LONP2: variants seen among roughly 807,000 people sequenced by gnomAD.
The protein encoded by LONP2 is lon protease homolog 2, peroxisomal.
Under a neutral mutation model 85.6 loss-of-function variants are expected in LONP2, and 60 were observed. The observed-to-expected ratio is 0.70, with a 90% CI of 0.57 to 0.87. The LOEUF is 0.87. Ranked by LOEUF, LONP2 falls within the 40% of genes least tolerant of loss-of-function variation. LONP2 has a pLI of 0.00. For synonymous variants in LONP2, 395 were observed against 389.7 expected (o/e 1.01, Z -0.16); for missense variants, 860 against 1,063.5 (o/e 0.81, Z 2.66).
At chr16:48,276,006 A>ATTTTTTT (rs1410977179) in intron 7 of LONP2, among the ~76,000 whole-genome samples, 1 of 152,210 alleles carries the variant, frequency 6.6e-6, no homozygotes, top group Non-Finnish European at 1.5e-5. Context: ...AAAATGACCC[A>ATTTTTTT]TTAGAGCCTT....
At chr16:48,323,708 TC>T (rs1255184492) in intron 11 of LONP2, among the ~76,000 whole-genome samples, 3 of 151,890 alleles carry the variant, frequency 2.0e-5, no homozygotes, top group Admixed American at 6.6e-5. Flanking sequence ...AGTCATAACT[TC>T]CATCTGTATC....
chr16:48,314,764 G>A (rs1973106940), intron 11 of LONP2, among the ~76,000 whole-genome samples: 1 of 152,048 alleles, frequency 6.6e-6, no homozygotes, highest in Admixed American at 6.6e-5. Context: ...TGATCTTTAT[G>A]TGTATATTAT....
chr16:48,304,843 A>G (rs1357047932), intron 11 of LONP2, among the ~76,000 whole-genome samples: 2 of 152,228 alleles, frequency 1.3e-5, no homozygotes, highest in Non-Finnish European at 2.9e-5. Flanking sequence ...GGAATTGACA[A>G]TTTCTTTCAT....
At chr16:48,269,051 T>C (rs1299168240) in intron 6 of LONP2, among the ~76,000 whole-genome samples, 1 of 152,210 alleles carries the variant, frequency 6.6e-6, no homozygotes, top group Non-Finnish European at 1.5e-5. Flanking sequence ...TTCTGTTACC[T>C]GGTGTTTAAT....
intron 8 of LONP2, among the ~76,000 whole-genome samples, chr16:48,278,661 C>A (rs1972264582): frequency 6.6e-6 from 1 of 152,188 alleles, no homozygotes; most frequent in African/African-American, 2.4e-5. Flanking sequence ...CAGTTCCTAT[C>A]CTTGCAGACC....
intron 11 of LONP2, among the ~76,000 whole-genome samples, chr16:48,327,730 T>C (rs1181808250): frequency 6.6e-6 from 1 of 152,210 alleles, no homozygotes; most frequent in Non-Finnish European, 1.5e-5. Context: ...AGTGCTGGGA[T>C]TATAGGTGTG....
chr16:48,255,304 A>G (rs918698170), intron 2 of LONP2, among the ~76,000 whole-genome samples: 4 of 152,166 alleles, frequency 2.6e-5, no homozygotes, highest in African/African-American at 9.7e-5. Context: ...AGGAAAAGGA[A>G]ATGGGGCGCA....
intron 11 of LONP2, among the ~76,000 whole-genome samples, chr16:48,308,312 T>A (rs1354495668): frequency 6.6e-6 from 1 of 152,124 alleles, no homozygotes; most frequent in African/African-American, 2.4e-5. Context: ...ACTGAACCAC[T>A]CTCTCTCTTA....
intron 1 of LONP2, among the ~76,000 whole-genome samples, chr16:48,250,702 A>G (rs909351887): frequency 1.3e-5 from 2 of 152,168 alleles, no homozygotes; most frequent in Non-Finnish European, 2.9e-5. Context: ...CTCTTTCAGC[A>G]TTGTACAAAC....
At chr16:48,328,467 C>T (rs547582672) in intron 11 of LONP2, among the ~76,000 whole-genome samples, 1 of 151,962 alleles carries the variant, frequency 6.6e-6, no homozygotes, top group South Asian at 2.1e-4. Context: ...ATCACGATAT[C>T]AGGAGTTCGA....
At chr16:48,303,569 G>A (rs1041996238) in intron 11 of LONP2, among the ~76,000 whole-genome samples, 2 of 152,114 alleles carry the variant, frequency 1.3e-5, no homozygotes, top group Non-Finnish European at 2.9e-5. Flanking sequence ...TTCACTAGAG[G>A]GACAAGACTA....
At chr16:48,337,666 G>A (rs576414662) in intron 12 of LONP2, among the ~76,000 whole-genome samples, 1 of 152,080 alleles carries the variant, frequency 6.6e-6, no homozygotes, top group Admixed American at 6.5e-5. Context: ...TGAGCAGGGC[G>A]TCTGTTCTTT....
At chr16:48,274,662 CCACCCA>C (rs528100911) in intron 7 of LONP2, among the ~76,000 whole-genome samples, 129 of 151,194 alleles carry the variant, frequency 8.5e-4, no homozygotes, top group East Asian at 3.7e-3. Flanking sequence ...ACCCACACAC[CCACCCA>C]CACCCACACC....
At chr16:48,300,758 A>C (rs1455736760) in intron 10 of LONP2, among the ~76,000 whole-genome samples, 4 of 152,100 alleles carry the variant, frequency 2.6e-5, no homozygotes, top group Admixed American at 2.6e-4. Flanking sequence ...TGCCAGGAGA[A>C]ATAAATTAAG....
At chr16:48,321,390 CAG>C (rs919034397) in intron 11 of LONP2, among the ~76,000 whole-genome samples, 5 of 152,136 alleles carry the variant, frequency 3.3e-5, no homozygotes, top group African/African-American at 4.8e-5. Context: ...CCACTGAAAA[CAG>C]GGGTGCAAAC....
chr16:48,283,870 A>G lies in LONP2; in HGVS notation c.1383+6391A>G, dbSNP rs150313523. 4.6e-5 allele frequency among the ~76,000 whole-genome samples: 7 copies of G among 152,324 alleles called. No homozygotes were observed. The East Asian group carries it at 1.3e-3, about 29-fold the overall frequency. Reference sequence around the variant, plus strand: ...TGATTCGTCCCATGCATCAGGGCGAAGTACATTGAAAACCCCTAGAAAAGA... The same window carrying G: ...TGATTCGTCCCATGCATCAGGGCGAGGTACATTGAAAACCCCTAGAAAAGA... On this transcript the variant is annotated intron_variant, in intron 8 of 14. Coordinates refer to ENST00000285737, the MANE Select transcript of LONP2 (RefSeq NM_031490.5).
intron 4 of LONP2, among the ~76,000 whole-genome samples, chr16:48,260,272 T>A (rs903171481): frequency 2.0e-5 from 3 of 152,192 alleles, no homozygotes; most frequent in African/African-American, 7.2e-5. Flanking sequence ...TATATTTGAA[T>A]GTATTAAATA....
At chr16:48,358,936 C>A, downstream of LONP2, among the ~76,000 whole-genome samples, 1 of 152,174 alleles carries the variant, frequency 6.6e-6, no homozygotes, top group East Asian at 1.9e-4. Flanking sequence ...ACTTTATAAT[C>A]AAAACACTTA....
chr16:48,322,559 TACACTCTAAAATAATG>T (rs1973288428), intron 11 of LONP2, among the ~76,000 whole-genome samples: 3 of 151,870 alleles, frequency 2.0e-5, no homozygotes, highest in African/African-American at 7.3e-5. Context: ...CAGAAGGGAG[TACACTCTAAAATAATG>T]ATGAAAAGCA....
Sources: gnomAD v4.1 joint callset for allele counts (sites outside exome capture counted in the v4.1 genomes callset) on GRCh38, gnomAD v4.1.1 for gene constraint, MANE v1.5 for transcripts, NCBI Gene and HGNC (gene_info 2026-07-23, HGNC 2026-07-21) for gene names.